Variants in DNAJC13 observed in about 807,000 individuals in gnomAD.
DNAJC13 encodes the protein DnaJ heat shock protein family (Hsp40) member C13, also known as dnaJ homolog subfamily C member 13.
A neutral mutation model predicts 290.5 loss-of-function variants in DNAJC13; 75 were observed. The observed-to-expected ratio is 0.26, with a 90% confidence interval of 0.21 to 0.31. DNAJC13 has a LOEUF of 0.31. DNAJC13 is among the 10% of genes least tolerant of loss of function. The probability of loss-of-function intolerance (pLI) is 1.00; values close to 1 mark genes in which losing one functional copy is unlikely to be tolerated. For missense variants in DNAJC13, 2,260 were observed against 2,674.5 expected, an observed-to-expected ratio of 0.85 and a Z score of 3.42; for synonymous variants, 862 against 892.0, an observed-to-expected ratio of 0.97 and a Z score of 0.60.
chr3:132,458,929 A>C (rs1321843118), intron 13 of DNAJC13, among the ~76,000 whole-genome samples: 2 of 152,132 alleles, frequency 1.3e-5, no homozygotes, highest in African/African-American at 4.8e-5. Flanking sequence ...TATTTTTCTC[A>C]ATCTGTCAGC....
intron 13 of DNAJC13, chr3:132,457,580 T>C (rs1329208900): frequency 4.1e-6 from 2 of 491,412 alleles, no homozygotes; most frequent in African/African-American, 3.9e-5. Flanking sequence ...AGAAGTTCTT[T>C]TCTTCCTCAC....
chr3:132,422,199 T>A lies in DNAJC13; in HGVS notation c.-14+4439T>A, dbSNP rs187782025. Among the ~76,000 whole-genome samples, 41 of 151,898 alleles carry A rather than the reference T, an allele frequency of 2.7e-4. 1 individual carries two copies. The highest frequency in any genetic ancestry group is 3.4e-3 in the Middle Eastern group (1 of 294). On this transcript the variant is annotated intron_variant, in intron 1 of 55. Coordinates refer to ENST00000260818, the MANE Select transcript of DNAJC13 (RefSeq NM_015268.4). Reference sequence around the variant, plus strand: ...GCACGCCATGCCCAGCTAACTTTTTTTTATTATTATTATTTTTAGTAGAGA... The same window carrying A: ...GCACGCCATGCCCAGCTAACTTTTTATTATTATTATTATTTTTAGTAGAGA...
chr3:132,538,102 T>TA (rs1216225765), intron 55 of DNAJC13, 74 bp from the exon 56 acceptor site: 44 of 1,260,788 alleles, frequency 3.5e-5, no homozygotes, highest in African/African-American at 5.9e-5. Context: ...GAGCAGGTTC[T>TA]GACATTTTTA....
intron 5 of DNAJC13, among the ~76,000 whole-genome samples, chr3:132,450,171 G>A (rs1003347714): frequency 2.6e-5 from 4 of 151,662 alleles, no homozygotes; most frequent in Non-Finnish European, 5.9e-5. Context: ...TTTGTATGTG[G>A]AAATAAAATA....
At chr3:132,471,582 C>G (rs1478595893) in intron 20 of DNAJC13, among the ~76,000 whole-genome samples, 2 of 138,970 alleles carry the variant, frequency 1.4e-5, no homozygotes, top group African/African-American at 5.5e-5. Context: ...CTCGGCCGGG[C>G]AGAGGCACTC....
intron 33 of DNAJC13, among the ~76,000 whole-genome samples, chr3:132,493,410 T>G (rs1350803887): frequency 6.6e-6 from 1 of 152,000 alleles, no homozygotes; most frequent in Non-Finnish European, 1.5e-5. Context: ...TGGTACTTAT[T>G]CAGGATTCAA....
In DNAJC13 at chr3:132,482,221, C is replaced by G; in HGVS notation, c.2875-5C>G. 6.2e-7 allele frequency: 1 copy of G among 1,605,696 alleles called. No homozygotes were observed. Among genetic ancestry groups the G allele is most frequent in the Non-Finnish European group, 8.5e-7 (1 of 1,175,874 alleles). On this transcript the variant is annotated splice_polypyrimidine_tract_variant and splice_region_variant and intron_variant, in intron 26 of 55. Transcript: ENST00000260818. ...GAAAATAATTTAAATCTTTTTTAAA[C>G]TTAGAGCAATGTAATTGAAGCTGCT...
intron 52 of DNAJC13, 76 bp from the exon 53 acceptor site, chr3:132,526,061 TTTAC>T: frequency 6.6e-7 from 1 of 1,522,184 alleles, no homozygotes; most frequent in Non-Finnish European, 8.8e-7. Context: ...TTTTTACTTA[TTTAC>T]TTATTTTGTT....
Position 132,450,760 on chromosome 3 carries a change from C to A in DNAJC13, c.450C>A (p.Ser150=). The A allele has an allele frequency of 6.2e-7, 1 of 1,606,864 alleles. No individual in the cohort carries two copies. The highest frequency in any genetic ancestry group is 8.5e-7 in the Non-Finnish European group (1 of 1,173,846). The change falls in exon 6 of 56, where the codon TCC becomes TCA. Residue 150 remains serine (S), a synonymous_variant. Coordinates refer to ENST00000260818, the MANE Select transcript of DNAJC13 (RefSeq NM_015268.4). The part of the protein sequence containing the change: ...INPATNRVLC[S]YDYRNIEGFV... ...CTGCAACCAACAGAGTACTCTGTTC[C>A]TATGACTATAGAAATATTGAAGGAT... is the stretch of plus-strand genomic sequence containing the variant.
At chr3:132,460,927 A>C (rs1392588822) in intron 14 of DNAJC13, 123 bp from the exon 15 acceptor site, 3 of 928,636 alleles carry the variant, frequency 3.2e-6, no homozygotes, top group Non-Finnish European at 4.8e-6. Flanking sequence ...CCTCATGTTG[A>C]GAAATTAAAG....
At chr3:132,491,362 A>G (rs1469925644) in intron 32 of DNAJC13, among the ~76,000 whole-genome samples, 1 of 152,134 alleles carries the variant, frequency 6.6e-6, no homozygotes, top group Non-Finnish European at 1.5e-5. Flanking sequence ...TAATATATAT[A>G]TAGGGAATTG....
intron 55 of DNAJC13, among the ~76,000 whole-genome samples, chr3:132,536,206 A>C (rs1162894253): frequency 6.6e-6 from 1 of 152,172 alleles, no homozygotes; most frequent in Non-Finnish European, 1.5e-5. Context: ...CTGTGTTTCA[A>C]ATTTAAAATA....
chr3:132,477,030 A>G (rs1282410717), intron 22 of DNAJC13, among the ~76,000 whole-genome samples: 1 of 152,204 alleles, frequency 6.6e-6, no homozygotes, highest in Non-Finnish European at 1.5e-5. Flanking sequence ...TTGTTTGTTC[A>G]ACTGCTGCGT....
At chr3:132,428,159 A>T (rs1313990481) in intron 1 of DNAJC13, among the ~76,000 whole-genome samples, 1 of 152,152 alleles carries the variant, frequency 6.6e-6, no homozygotes, top group Non-Finnish European at 1.5e-5. Flanking sequence ...GCCAATTATT[A>T]TCTTGAAATT....
chr3:132,465,839 C>T (rs1933963356), intron 17 of DNAJC13, among the ~76,000 whole-genome samples, 156 bp from the exon 18 acceptor site: 1 of 151,980 alleles, frequency 6.6e-6, no homozygotes, highest in African/African-American at 2.4e-5. Flanking sequence ...TTATAACTCT[C>T]CACATTAAAT....
At chr3:132,512,631 C>A (rs1210145449) in intron 44 of DNAJC13, among the ~76,000 whole-genome samples, 5 of 152,112 alleles carry the variant, frequency 3.3e-5, no homozygotes, top group Admixed American at 2.6e-4. Flanking sequence ...AAAGCCAAAT[C>A]ATGTCAGAGT....
intron 43 of DNAJC13, among the ~76,000 whole-genome samples, chr3:132,508,731 C>T (rs1935674124): frequency 6.6e-6 from 1 of 152,134 alleles, no homozygotes; most frequent in African/African-American, 2.4e-5. Context: ...AGGTAACAAG[C>T]CTGTACATGT....
intron 48 of DNAJC13, 77 bp from the exon 49 acceptor site, chr3:132,522,751 C>T (rs1936129091): frequency 8.3e-7 from 1 of 1,207,144 alleles, no homozygotes; most frequent in African/African-American, 1.5e-5. Flanking sequence ...GATATTCTAT[C>T]TTATTAGCAA....
Position 132,462,460 on chromosome 3 carries a change from T to C in DNAJC13, c.1714-7T>C. 1 of 1,609,106 alleles carries C rather than the reference T, an allele frequency of 6.2e-7. No individual in the cohort carries two copies. The highest frequency in any genetic ancestry group is 1.7e-4 in the Middle Eastern group (1 of 6,050). On this transcript the variant is annotated splice_region_variant and splice_polypyrimidine_tract_variant and intron_variant, in intron 15 of 55. Coordinates refer to ENST00000260818, the MANE Select transcript of DNAJC13 (RefSeq NM_015268.4). ...TTTTTTGATACTTTTTCCCCCTCACTTTAAAGCATCCTTCCATGGCAATAA... is the reference window on the plus strand; with the variant it reads ...TTTTTTGATACTTTTTCCCCCTCACCTTAAAGCATCCTTCCATGGCAATAA...
Sources: allele counts gnomAD v4.1 joint callset (sites outside exome capture counted in the v4.1 genomes callset), GRCh38; gene constraint gnomAD v4.1.1; transcripts MANE v1.5; gene names NCBI Gene and HGNC (gene_info 2026-07-23, HGNC 2026-07-21).